Variants in ABL1 observed in about 807,000 individuals in gnomAD.
ABL1 encodes the protein ABL proto-oncogene 1, non-receptor tyrosine kinase.
In ABL1, 11 loss-of-function variants were observed where a neutral mutation model predicts 94.7. The observed-to-expected ratio is 0.12, with a 90% CI of 0.07 to 0.19. The LOEUF is 0.19. Ranked by LOEUF, ABL1 falls within the 10% of genes least tolerant of loss-of-function variation. The pLI is 1.00. For missense variants in ABL1, 1,082 were observed against 1,489.4 expected, an observed-to-expected ratio of 0.73 and a Z score of 4.50; for synonymous variants, 656 against 622.4, an observed-to-expected ratio of 1.05 and a Z score of -0.80.
rs867823630 is a variant in ABL1 at position 130,719,861 on chromosome 9, G to C, written c.136+5406G>C. On this transcript the variant is annotated intron_variant, in intron 1 of 10. Coordinates refer to the ABL1 transcript ENST00000372348. ...TGGTGTTGTTGTTGATGGTGAATCTGAAAGAGTGGGCAGATGGCAACTTTT... is the reference window on the plus strand; with the variant it reads ...TGGTGTTGTTGTTGATGGTGAATCTCAAAGAGTGGGCAGATGGCAACTTTT... Among the ~76,000 whole-genome samples, 9 of 152,328 alleles carry C rather than the reference G, an allele frequency of 5.9e-5. No individual in the cohort carries two copies. In the Middle Eastern group the frequency reaches 0.014, roughly 230 times the overall value.
At chr9:130,807,425 A>AGACG (rs1830140341) in intron 1 of ABL1, among the ~76,000 whole-genome samples, 1 of 151,686 alleles carries the variant, frequency 6.6e-6, no homozygotes. Flanking sequence ...TTTTTAGTAG[A>AGACG]GACGGGATTT....
intron 1 of ABL1, among the ~76,000 whole-genome samples, chr9:130,847,028 C>A (rs895033066): frequency 6.6e-6 from 1 of 151,732 alleles, no homozygotes; most frequent in Admixed American, 6.6e-5. Flanking sequence ...ATAGACAGAG[C>A]CAGAGCTTTT....
intron 1 of ABL1, among the ~76,000 whole-genome samples, chr9:130,782,824 T>C (rs554965142): frequency 6.6e-6 from 1 of 152,380 alleles, no homozygotes; most frequent in African/African-American, 2.4e-5. Flanking sequence ...CAGATTGTAC[T>C]TACCAAGAGC....
intron 1 of ABL1, among the ~76,000 whole-genome samples, chr9:130,805,985 G>T (rs1404183340): frequency 2.6e-5 from 4 of 152,164 alleles, no homozygotes; most frequent in African/African-American, 9.7e-5. Context: ...TTTCAGAATG[G>T]TGGAATTATA....
chr9:130,730,046 C>CTTTTTTTTTTTTTTT lies in ABL1; in HGVS notation c.136+15605_136+15606insTTTTTTTTTTTTTTT, dbSNP rs138446676. On this transcript the variant is annotated intron_variant, in intron 1 of 10. Transcript: ENST00000372348. ...GCGTGAGCCACTGCGCCCAGCCAGA[C>CTTTTTTTTTTTTTTT]TTTTTTTTTTTTTTGAGATGGAATT... 4.3e-3 allele frequency among the ~76,000 whole-genome samples: 462 copies of CTTTTTTTTTTTTTTT among 107,020 alleles called. 37 individuals carry two copies. The highest frequency in any genetic ancestry group is 0.024 in the Middle Eastern group (3 of 124). The allele number at this position is 107,020 out of a possible 152,430, so 70.2% of individuals were successfully genotyped here. A position where few individuals can be genotyped will look rare whatever the true frequency, so the allele number is the denominator to read the frequency against.
At chr9:130,808,016 A>G (rs1013931633) in intron 1 of ABL1, among the ~76,000 whole-genome samples, 3 of 151,706 alleles carry the variant, frequency 2.0e-5, no homozygotes, top group Admixed American at 2.0e-4. Context: ...ATTATAATTT[A>G]AAAAATTTTT....
rs749088016 is a variant in ABL1 at position 130,714,463 on chromosome 9, C to T, written c.136+8C>T. 7.1e-5 allele frequency: 114 copies of T among 1,614,046 alleles called. 1 individual carries two copies. In the South Asian group the frequency reaches 1.2e-3, roughly 17 times the overall value. ...ATGTTTTTGTGGAACATGGTGAGTG[C>T]TTTTCAAAATTTCTGCTCATGGTTT... On this transcript the variant is annotated splice_region_variant and intron_variant, in intron 1 of 10. Coordinates refer to the ABL1 transcript ENST00000372348.
intron 1 of ABL1, among the ~76,000 whole-genome samples, chr9:130,830,125 TA>T (rs1004270369): frequency 1.3e-5 from 2 of 152,158 alleles, no homozygotes; most frequent in Non-Finnish European, 2.9e-5. Context: ...AAAATTAATT[TA>T]AAAAAATGAG....
chr9:130,849,868 A>AT (rs937017063), intron 1 of ABL1, among the ~76,000 whole-genome samples: 1 of 152,052 alleles, frequency 6.6e-6, no homozygotes, highest in Admixed American at 6.5e-5. Context: ...GCTTTGCCCC[A>AT]TTTTTTCCAT....
chr9:130,798,213 T>G (rs1830005794), intron 1 of ABL1, among the ~76,000 whole-genome samples: 1 of 152,208 alleles, frequency 6.6e-6, no homozygotes, highest in South Asian at 2.1e-4. Flanking sequence ...GCTTTTTGAG[T>G]ATTTGAGACA....
At chr9:130,827,529 G>C (rs2132887817) in intron 1 of ABL1, among the ~76,000 whole-genome samples, 1 of 152,176 alleles carries the variant, frequency 6.6e-6, no homozygotes, top group East Asian at 1.9e-4. Flanking sequence ...ATAGATAAAG[G>C]GTAAAACAAA....
At chr9:130,878,280 T>G (rs556524522) in intron 7 of ABL1, 135 bp from the exon 8 acceptor site, 11 of 1,026,460 alleles carry the variant, frequency 1.1e-5, no homozygotes, top group Middle Eastern at 2.4e-4. Flanking sequence ...ATAAAGAGCC[T>G]GGTAAAATGT....
chr9:130,873,127 C>T, intron 6 of ABL1, 90 bp downstream of exon 6: 3 of 1,347,574 alleles, frequency 2.2e-6, no homozygotes, highest in Non-Finnish European at 2.0e-6. Context: ...TAGGAGGTCT[C>T]AGGGCGCAGC....
At chr9:130,818,604 A>C (rs968182721) in intron 1 of ABL1, among the ~76,000 whole-genome samples, 6 of 151,850 alleles carry the variant, frequency 4.0e-5, no homozygotes, top group Non-Finnish European at 8.8e-5. Context: ...AAGATTTATA[A>C]GTTTTAATTT....
At chr9:130,798,736 A>T (rs1830013703) in intron 1 of ABL1, among the ~76,000 whole-genome samples, 1 of 152,092 alleles carries the variant, frequency 6.6e-6, no homozygotes, top group Admixed American at 6.5e-5. Context: ...TGGGAGGCTG[A>T]GGCGGGTGGA....
At chr9:130,739,537 T>G (rs190909751) in intron 1 of ABL1, among the ~76,000 whole-genome samples, 295 of 152,302 alleles carry the variant, frequency 1.9e-3, no homozygotes, top group Non-Finnish European at 3.8e-3. Context: ...GAAAGCTATT[T>G]GAAATTCAAT....
intron 1 of ABL1, among the ~76,000 whole-genome samples, chr9:130,736,408 T>C (rs1450986571): frequency 6.6e-6 from 1 of 152,224 alleles, no homozygotes; most frequent in Non-Finnish European, 1.5e-5. Flanking sequence ...TTTGGGACTT[T>C]TTCCAATCTG....
intron 4 of ABL1, among the ~76,000 whole-genome samples, chr9:130,864,666 G>T (rs1297577896): frequency 6.6e-6 from 1 of 151,866 alleles, no homozygotes; most frequent in African/African-American, 2.4e-5. Flanking sequence ...GACATAGGGT[G>T]GTCCAGGTAG....
chr9:130,720,172 C>T (rs1011601020), intron 1 of ABL1, among the ~76,000 whole-genome samples: 6 of 152,108 alleles, frequency 3.9e-5, no homozygotes, highest in Non-Finnish European at 2.9e-5. Context: ...CAATCCCTGC[C>T]CTCCTAGAAC....
Sources: gnomAD v4.1 joint callset for allele counts (sites outside exome capture counted in the v4.1 genomes callset) on GRCh38, gnomAD v4.1.1 for gene constraint, MANE v1.5 for transcripts, NCBI Gene and HGNC (gene_info 2026-07-23, HGNC 2026-07-21) for gene names.